The following KAZN variants were observed in gnomAD, a reference collection of about 807,000 sequenced individuals.
KAZN encodes kazrin.
A neutral mutation model predicts 87.4 loss-of-function variants in KAZN; 40 were observed. That is an observed-to-expected ratio of 0.46 (90% confidence interval 0.36 to 0.60). The LOEUF is 0.60. Ranked by LOEUF, KAZN falls within the 20% of genes least tolerant of loss-of-function variation. KAZN has a pLI of 0.00. For synonymous variants in KAZN, 466 were observed against 458.3 expected (o/e 1.02, Z -0.22); for missense variants, 898 against 1,073.9 (o/e 0.84, Z 2.29).
intron 1 of KAZN, among the ~76,000 whole-genome samples, chr1:14,804,302 G>A (rs1433053763): frequency 1.3e-5 from 2 of 152,242 alleles, no homozygotes; most frequent in East Asian, 1.9e-4. Context: ...GAAAGCTGAT[G>A]AGCAAGGCTT....
intron 2 of KAZN, among the ~76,000 whole-genome samples, chr1:14,554,875 C>T (rs919508953): frequency 6.6e-6 from 1 of 152,212 alleles, no homozygotes; most frequent in Non-Finnish European, 1.5e-5. Context: ...GAGTCACAAA[C>T]CATCCCAGTG....
intron 1 of KAZN, among the ~76,000 whole-genome samples, chr1:14,017,166 A>G (rs1640609178): frequency 6.6e-6 from 1 of 152,128 alleles, no homozygotes; most frequent in Admixed American, 6.6e-5. Flanking sequence ...GCTTTTTCTC[A>G]ATGACGTTCT....
intron 2 of KAZN, among the ~76,000 whole-genome samples, chr1:14,558,021 G>A (rs1214854176): frequency 3.9e-5 from 6 of 152,172 alleles, no homozygotes; most frequent in Non-Finnish European, 8.8e-5. Flanking sequence ...TGTCCAAAGG[G>A]AAAGCAGTCT....
intron 2 of KAZN, among the ~76,000 whole-genome samples, chr1:14,535,516 C>G (rs1672450092): frequency 6.6e-6 from 1 of 151,836 alleles, no homozygotes; most frequent in South Asian, 2.1e-4. Context: ...AAATACAAAA[C>G]TTAGCTGGGC....
chr1:14,549,936 G>GAAGT, intron 2 of KAZN, among the ~76,000 whole-genome samples: 1 of 152,306 alleles, frequency 6.6e-6, no homozygotes, highest in East Asian at 1.9e-4. Flanking sequence ...CAAGTTCAGT[G>GAAGT]AAGCATCTGA....
intron 1 of KAZN, among the ~76,000 whole-genome samples, chr1:14,936,076 A>G (rs57523955): frequency 0.026 from 3,918 of 152,244 alleles, 160 homozygotes; most frequent in African/African-American, 0.08. Context: ...TTGCTTTTCC[A>G]TGTCATGTCT....
chr1:14,077,270 G>A lies in KAZN; in HGVS notation c.92-103165G>A, dbSNP rs543472249. 2.9e-4 allele frequency among the ~76,000 whole-genome samples: 44 copies of A among 152,264 alleles called. 1 individual carries two copies. Among genetic ancestry groups the A allele is most frequent in the African/African-American group, 8.7e-4 (36 of 41,542 alleles). ...ACCGTCCATAGAGTGCCAAGATGCCGTTGGTGGGACTCTTCTCTCCTAAAA... is the reference window on the plus strand; with the variant it reads ...ACCGTCCATAGAGTGCCAAGATGCCATTGGTGGGACTCTTCTCTCCTAAAA... On this transcript the variant is annotated intron_variant, in intron 1 of 16. Coordinates refer to the KAZN transcript ENST00000636203.
chr1:14,708,695 G>A (rs888882352), intron 1 of KAZN, among the ~76,000 whole-genome samples: 1 of 152,208 alleles, frequency 6.6e-6, no homozygotes, highest in Non-Finnish European at 1.5e-5. Flanking sequence ...TCCCTGAGTA[G>A]CACAATGCAA....
At position 15,114,560 on chromosome 1, in the gene KAZN, A is replaced by T. The variant is rs1641772400; in HGVS notation, c.2253A>T (p.Gly751=). 1 of 1,608,512 alleles carries T rather than the reference A, an allele frequency of 6.2e-7. No homozygotes were observed. Among genetic ancestry groups the T allele is most frequent in the South Asian group, 1.1e-5 (1 of 89,674 alleles). ...GCTCTCTTCAAAACGAAGATTGCGG[A>T]GACGATGACCCCCAGAGCAGGCTGG... The part of the protein sequence containing the change: ...DYGSLQNEDC[G]DDDPQSRLEQ... Residue 751 remains glycine (G), a synonymous_variant, in exon 15 of 15, where the codon GGA becomes GGT. Transcript: ENST00000376030.
intron 2 of KAZN, among the ~76,000 whole-genome samples, chr1:14,420,881 T>G (rs984955213): frequency 1.7e-5 from 2 of 118,596 alleles, no homozygotes; most frequent in African/African-American, 5.7e-5. Flanking sequence ...CGCCCGCACC[T>G]CTCCCTCCAC....
At chr1:14,045,787 A>G (rs1381541078) in intron 1 of KAZN, among the ~76,000 whole-genome samples, 1 of 152,218 alleles carries the variant, frequency 6.6e-6, no homozygotes, top group Non-Finnish European at 1.5e-5. Context: ...CAGGTGAACT[A>G]TGATAATTGT....
At chr1:14,091,109 CAAAAAAAAAAA>C (rs779056126) in intron 1 of KAZN, among the ~76,000 whole-genome samples, 12 of 51,946 alleles carry the variant, frequency 2.3e-4, no homozygotes, top group Admixed American at 1.4e-3. Context: ...GAGACTCTGT[CAAAAAAAAAAA>C]AAAAAAAAAA....
At chr1:14,300,904 T>C (rs1654506602) in intron 2 of KAZN, among the ~76,000 whole-genome samples, 1 of 152,178 alleles carries the variant, frequency 6.6e-6, no homozygotes, top group Non-Finnish European at 1.5e-5. Context: ...GGTAGAGTCA[T>C]TGTGGAACTT....
intron 2 of KAZN, among the ~76,000 whole-genome samples, chr1:14,383,780 G>A (rs557242449): frequency 1.4e-4 from 22 of 152,110 alleles, no homozygotes; most frequent in African/African-American, 5.3e-4. Flanking sequence ...TTTGGCTTAG[G>A]ATTGACTTGG....
intron 1 of KAZN, among the ~76,000 whole-genome samples, chr1:14,643,959 G>T (rs541438571): frequency 2.8e-5 from 4 of 145,320 alleles, no homozygotes; most frequent in Non-Finnish European, 4.5e-5. Flanking sequence ...TTGGCCACAT[G>T]TGTGTCTTCT....
At chr1:14,087,200 C>T (rs978360421) in intron 1 of KAZN, among the ~76,000 whole-genome samples, 3 of 152,106 alleles carry the variant, frequency 2.0e-5, no homozygotes, top group African/African-American at 7.2e-5. Context: ...AGGTCTTGCA[C>T]TTAAAAAATT....
At chr1:14,711,871 G>A (rs1033152371) in intron 1 of KAZN, among the ~76,000 whole-genome samples, 72 of 152,306 alleles carry the variant, frequency 4.7e-4, no homozygotes, top group African/African-American at 1.5e-3. Flanking sequence ...AGATCCTGGT[G>A]CACAGAAACT....
chr1:14,378,890 A>G (rs1055879556), intron 2 of KAZN, among the ~76,000 whole-genome samples: 3 of 151,874 alleles, frequency 2.0e-5, no homozygotes, highest in African/African-American at 7.3e-5. Flanking sequence ...GGAGCATGTG[A>G]CATACTAAGA....
intron 3 of KAZN, among the ~76,000 whole-genome samples, chr1:15,037,541 C>T (rs1025026511): frequency 2.6e-5 from 4 of 152,188 alleles, no homozygotes; most frequent in African/African-American, 7.2e-5. Flanking sequence ...CTGAGGTTCC[C>T]GGGGCATGGA....
Sources: gnomAD v4.1 joint callset for allele counts (sites outside exome capture counted in the v4.1 genomes callset) on GRCh38, gnomAD v4.1.1 for gene constraint, MANE v1.5 for transcripts, NCBI Gene and HGNC (gene_info 2026-07-23, HGNC 2026-07-21) for gene names.